LRRC37A3: variants seen among roughly 807,000 people sequenced by gnomAD.
LRRC37A3 encodes the protein leucine-rich repeat-containing protein 37A3.
Under a neutral mutation model 106.2 loss-of-function variants are expected in LRRC37A3, and 25 were observed. That is an observed-to-expected ratio of 0.24 (90% CI 0.17 to 0.33). The LOEUF is 0.33. Ranked by LOEUF, LRRC37A3 falls within the 10% of genes least tolerant of loss-of-function variation. The probability of loss-of-function intolerance (pLI) is 1.00; values close to 1 mark genes in which losing one functional copy is unlikely to be tolerated. For synonymous variants in LRRC37A3, 305 were observed against 635.8 expected, an observed-to-expected ratio of 0.48 and a Z score of 7.83; for missense variants, 712 against 1,644.9, an observed-to-expected ratio of 0.43 and a Z score of 9.81.
At chr17:64,899,375 A>G (rs1167134120) in intron 2 of LRRC37A3, among the ~76,000 whole-genome samples, 4 of 147,652 alleles carry the variant, frequency 2.7e-5, no homozygotes, top group Non-Finnish European at 5.9e-5. Flanking sequence ...AGCTGGGATC[A>G]TACCACTGCA....
intron 8 of LRRC37A3, among the ~76,000 whole-genome samples, chr17:64,881,630 A>T (rs1170769588): frequency 7.6e-6 from 1 of 132,124 alleles, no homozygotes; most frequent in Non-Finnish European, 1.6e-5. Flanking sequence ...GAAGCAAGGG[A>T]CCTGGAATCT....
At chr17:64,874,611 T>C (rs1011997621) in intron 8 of LRRC37A3, among the ~76,000 whole-genome samples, 4 of 152,232 alleles carry the variant, frequency 2.6e-5, no homozygotes, top group African/African-American at 9.6e-5. Flanking sequence ...CAACAGCTCA[T>C]TGAGAACGGG....
At chr17:64,854,705 C>T in intron 14 of LRRC37A3, 61 bp from the exon 15 acceptor site, 6 of 1,612,130 alleles carry the variant, frequency 3.7e-6, no homozygotes, top group Non-Finnish European at 5.1e-6. Flanking sequence ...AAGCTTCTCA[C>T]CCCCTCCTCA....
chr17:64,865,509 G>C (rs1388289148), intron 10 of LRRC37A3, among the ~76,000 whole-genome samples: 1 of 152,162 alleles, frequency 6.6e-6, no homozygotes, highest in East Asian at 1.9e-4. Flanking sequence ...CCTTAGGATG[G>C]CTGGGAAACA....
intron 2 of LRRC37A3, among the ~76,000 whole-genome samples, chr17:64,900,350 T>TA (rs1974275447): frequency 8.5e-6 from 1 of 117,270 alleles, no homozygotes; most frequent in South Asian, 2.7e-4. Flanking sequence ...TTTTTTGAGA[T>TA]AGAGTTTCAC....
intron 2 of LRRC37A3, among the ~76,000 whole-genome samples, chr17:64,910,551 CCTA>C (rs1974566213): frequency 1.3e-5 from 2 of 151,842 alleles, no homozygotes; most frequent in South Asian, 2.1e-4. Context: ...AGAGTTGACT[CCTA>C]CGTTTTCAGA....
chr17:64,914,832 G>A (rs1974668868), intron 2 of LRRC37A3, among the ~76,000 whole-genome samples: 1 of 148,522 alleles, frequency 6.7e-6, no homozygotes, highest in Non-Finnish European at 1.5e-5. Flanking sequence ...TCTGTTTGCA[G>A]CAACATGGAT....
chr17:64,869,342 C>T (rs185710234), intron 8 of LRRC37A3, among the ~76,000 whole-genome samples, 176 bp from the exon 9 acceptor site: 50 of 151,752 alleles, frequency 3.3e-4, no homozygotes, highest in African/African-American at 1.1e-3. Context: ...TGGGAACTAC[C>T]GAGGTCTCTA....
rs1386604180 is a variant in LRRC37A3, at chr17:64,859,929, G to A, written c.4217C>T (p.Thr1406Ile). 3 of 1,613,700 alleles carry A rather than the reference G, an allele frequency of 1.9e-6. No individual in the cohort carries two copies. The highest frequency in any genetic ancestry group is 2.5e-6 in the Non-Finnish European group (3 of 1,179,868). The change falls in exon 12 of 15, where the codon ACT becomes ATT. Residue 1406 changes from threonine (T) to isoleucine (I), a missense_variant. Thr to Ile is a moderately conservative substitution (Grantham distance 89). Transcript: ENST00000584306. Reference protein sequence around the residue: ...AFEENVFMENTNMPEGTISEN... With the variant: ...AFEENVFMENINMPEGTISEN... ...AGAGATGGTTCCTTCTGGCATGTTA[G>A]TGTTTTCCATAAAAACATTTTCTTC...
At chr17:64,873,463 A>G (rs1215655179) in intron 8 of LRRC37A3, among the ~76,000 whole-genome samples, 1 of 152,140 alleles carries the variant, frequency 6.6e-6, no homozygotes, top group East Asian at 1.9e-4. Flanking sequence ...CCTGGCCTAG[A>G]GAAGGATTTA....
At chr17:64,902,871 A>G (rs1974351759) in intron 2 of LRRC37A3, among the ~76,000 whole-genome samples, 1 of 151,678 alleles carries the variant, frequency 6.6e-6, no homozygotes, top group African/African-American at 2.4e-5. Flanking sequence ...CGTCTCTGTT[A>G]TAGGTACATC....
intron 1 of LRRC37A3, 109 bp downstream of exon 1, chr17:64,919,322 T>C: frequency 2.4e-6 from 1 of 416,636 alleles, no homozygotes; most frequent in Non-Finnish European, 3.6e-6. Context: ...ATGGGCGCAG[T>C]GGGGGCGGCC....
In LRRC37A3 at chr17:64,868,468, T is replaced by C. The variant is rs1175464123; in HGVS notation, c.3047A>G (p.Glu1016Gly). 1 of 1,610,488 alleles carries C rather than the reference T, an allele frequency of 6.2e-7. No individual in the cohort carries two copies. The highest frequency in any genetic ancestry group is 1.3e-5 in the African/African-American group (1 of 74,734). The change falls in exon 10 of 15, where the codon GAA becomes GGA. Residue 1016 changes from glutamate to glycine, a missense_variant. Glu to Gly is a moderately conservative substitution (Grantham distance 98). Transcript: ENST00000584306. Reference protein sequence around the residue: ...KNILMMTVELEKLIVPSHMAC... With the variant: ...KNILMMTVELGKLIVPSHMAC... ...TCGGAAAAAAATAACTTACAGTTTT[T>C]CCAGTTCAACAGTCATCATGAGAAT...
In LRRC37A3 at chr17:64,855,841, T is replaced by C; in HGVS notation, c.4858A>G (p.Arg1620Gly). Residue 1620 changes from arginine to glycine, a missense_variant and splice_region_variant, in exon 14 of 15, where the codon AGG becomes GGG. Physicochemically the swap from Arg to Gly is moderately radical, Grantham distance 125. Coordinates refer to ENST00000584306, the MANE Select transcript of LRRC37A3 (RefSeq NM_199340.5). ...AAAAATCACCAGACTAATATTTACCTTGAGAATCCTTCTTCATCTTCTTGT... is the reference window on the plus strand; with the variant it reads ...AAAAATCACCAGACTAATATTTACCCTGAGAATCCTTCTTCATCTTCTTGT... ...SLQEDEEGFS[R>G]DSEAPTEEES... 6.2e-7 allele frequency: 1 copy of C among 1,611,782 alleles called. No homozygotes were observed. The highest frequency in any genetic ancestry group is 8.5e-7 in the Non-Finnish European group (1 of 1,179,684).
chr17:64,874,320 G>C (rs1207808869), intron 8 of LRRC37A3, among the ~76,000 whole-genome samples: 1 of 148,460 alleles, frequency 6.7e-6, no homozygotes, highest in Non-Finnish European at 1.5e-5. Flanking sequence ...GAGGTGAGGA[G>C]CGTCTCTGCC....
intron 13 of LRRC37A3, among the ~76,000 whole-genome samples, chr17:64,856,547 T>C (rs1417249213): frequency 6.6e-6 from 1 of 151,702 alleles, no homozygotes; most frequent in Non-Finnish European, 1.5e-5. Context: ...GTTGTTATAT[T>C]GTACTTTCTG....
chr17:64,862,588 TG>T (rs1256755514), intron 11 of LRRC37A3, among the ~76,000 whole-genome samples: 1 of 152,004 alleles, frequency 6.6e-6, no homozygotes, highest in Non-Finnish European at 1.5e-5. Flanking sequence ...AAATTATCAC[TG>T]TGGGCAAAGC....
chr17:64,872,309 A>G (rs1346864714), intron 8 of LRRC37A3, among the ~76,000 whole-genome samples: 1 of 151,942 alleles, frequency 6.6e-6, no homozygotes, highest in Admixed American at 6.6e-5. Flanking sequence ...TTTATTCAAG[A>G]AAAATTTCTG....
At chr17:64,911,065 T>C (rs146515466) in intron 2 of LRRC37A3, among the ~76,000 whole-genome samples, 3,457 of 152,310 alleles carry the variant, frequency 0.023, 119 homozygotes, top group African/African-American at 0.079. Context: ...TATAGATATA[T>C]GTATCTATAT....
Sources: gnomAD v4.1 joint callset for allele counts (sites outside exome capture counted in the v4.1 genomes callset) on GRCh38, gnomAD v4.1.1 for gene constraint, MANE v1.5 for transcripts, NCBI Gene and HGNC (gene_info 2026-07-23, HGNC 2026-07-21) for gene names.